TBC1D22A: variants seen among roughly 807,000 people sequenced by gnomAD.
TBC1D22A encodes the protein TBC1 domain family member 22A, also known as putative GTPase activator.
In TBC1D22A, 38 loss-of-function variants were observed where a neutral mutation model predicts 60.2. The ratio of observed to expected loss-of-function variants is 0.63; its 90% CI spans 0.49 to 0.83. The LOEUF is 0.83. Among genes scored for constraint, TBC1D22A ranks in the 40% least tolerant of loss-of-function variants. The pLI is 0.00. For synonymous variants in TBC1D22A, 302 were observed against 281.7 expected (o/e 1.07, Z -0.72); for missense variants, 628 against 701.0 (o/e 0.90, Z 1.18).
At chr22:47,124,768 C>T (rs938320286) in intron 12 of TBC1D22A, among the ~76,000 whole-genome samples, 8 of 151,592 alleles carry the variant, frequency 5.3e-5, no homozygotes, top group African/African-American at 1.5e-4. Context: ...GAGGGGCCCG[C>T]GGGGGAAGCA....
intron 5 of TBC1D22A, among the ~76,000 whole-genome samples, chr22:46,881,592 C>T (rs1194392917): frequency 6.6e-6 from 1 of 152,198 alleles, no homozygotes; most frequent in East Asian, 1.9e-4. Context: ...TGTTCTTGCC[C>T]AGTGTCTGGC....
intron 11 of TBC1D22A, among the ~76,000 whole-genome samples, chr22:47,052,749 C>T (rs367887300): frequency 3.3e-5 from 5 of 152,292 alleles, no homozygotes; most frequent in African/African-American, 1.2e-4. Flanking sequence ...GCCAGGATAG[C>T]AGGAGGACGG....
chr22:46,792,458 G>A, intron 1 of TBC1D22A, 62 bp from the exon 2 acceptor site: 1 of 1,609,420 alleles, frequency 6.2e-7, no homozygotes, highest in Non-Finnish European at 8.5e-7. Context: ...CGGCTGAGCT[G>A]GTGGAGGGCT....
At chr22:46,802,403 C>T (rs928315236) in intron 4 of TBC1D22A, among the ~76,000 whole-genome samples, 12 of 152,216 alleles carry the variant, frequency 7.9e-5, no homozygotes, top group African/African-American at 2.4e-4. Context: ...GAGATCTGCA[C>T]GGAGTCAGGT....
intron 4 of TBC1D22A, among the ~76,000 whole-genome samples, chr22:46,814,048 C>T (rs2085490925): frequency 6.6e-6 from 1 of 152,242 alleles, no homozygotes; most frequent in Non-Finnish European, 1.5e-5. Flanking sequence ...AGTCAGCGCA[C>T]ACCCTGGCCT....
At chr22:47,070,182 CTGT>C (rs2063927506) in intron 11 of TBC1D22A, among the ~76,000 whole-genome samples, 1 of 149,844 alleles carries the variant, frequency 6.7e-6, no homozygotes, top group Non-Finnish European at 1.5e-5. Flanking sequence ...TGGCTGTTCC[CTGT>C]TGTTTGGTTG....
In TBC1D22A at chr22:46,894,842, C is replaced by A. The variant is rs147682361; in HGVS notation, c.896C>A (p.Thr299Lys). The A allele has an allele frequency of 3.7e-6, 6 of 1,614,082 alleles. No homozygotes were observed. The highest frequency in any genetic ancestry group is 4.2e-6 in the Non-Finnish European group (5 of 1,180,040). The change falls in exon 7 of 13, where the codon ACG becomes AAG. Residue 299 changes from threonine to lysine, a missense_variant. Physicochemically the swap from Thr to Lys is moderately conservative, Grantham distance 78. Transcript: ENST00000337137. ...PEALILQPKV[T>K]EIFERILFIW... Reference sequence around the variant, plus strand: ...GCGTTGATCCTGCAGCCCAAGGTGACGGAGGTAAGAAGCTCTTGCCGTGGG... The same window carrying A: ...GCGTTGATCCTGCAGCCCAAGGTGAAGGAGGTAAGAAGCTCTTGCCGTGGG...
intron 12 of TBC1D22A, among the ~76,000 whole-genome samples, chr22:47,164,497 G>A (rs1315787196): frequency 6.6e-6 from 1 of 152,236 alleles, no homozygotes; most frequent in Non-Finnish European, 1.5e-5. Context: ...GACGGCCTGT[G>A]CCTTGGCATG....
At chr22:46,959,748 C>A (rs187174989) in intron 8 of TBC1D22A, among the ~76,000 whole-genome samples, 1 of 152,270 alleles carries the variant, frequency 6.6e-6, no homozygotes, top group South Asian at 2.1e-4. Flanking sequence ...GCCTGGCACC[C>A]GTCAGTTCAC....
chr22:46,784,096 A>G lies in TBC1D22A; in HGVS notation c.63-8424A>G, dbSNP rs1441661811. 2.0e-5 allele frequency among the ~76,000 whole-genome samples: 3 copies of G among 152,088 alleles called. No individual in the cohort carries two copies. In the East Asian group the frequency reaches 5.8e-4, roughly 29 times the overall value. Reference sequence around the variant, plus strand: ...AGTCTTGCTTTGTTGCCCAGGCTGGAGTGCAGTGGTGCGATCACAGCTCAC... The same window carrying G: ...AGTCTTGCTTTGTTGCCCAGGCTGGGGTGCAGTGGTGCGATCACAGCTCAC... On this transcript the variant is annotated intron_variant, in intron 1 of 12. Coordinates refer to ENST00000337137, the MANE Select transcript of TBC1D22A (RefSeq NM_014346.5).
intron 12 of TBC1D22A, among the ~76,000 whole-genome samples, chr22:47,154,185 CCCGGAGCAGGGCGGT>C (rs2067620363): frequency 6.6e-6 from 1 of 152,148 alleles, no homozygotes; most frequent in African/African-American, 2.4e-5. Flanking sequence ...CAGACATGTC[CCCGGAGCAGGGCGGT>C]CCTGTGTGCC....
chr22:46,830,324 G>C (rs937067775), intron 4 of TBC1D22A, among the ~76,000 whole-genome samples: 21 of 152,322 alleles, frequency 1.4e-4, no homozygotes, highest in African/African-American at 5.1e-4. Flanking sequence ...ATCACCCTTC[G>C]AGCCCCTGGA....
intron 11 of TBC1D22A, among the ~76,000 whole-genome samples, chr22:47,062,284 G>T (rs899889141): frequency 6.6e-6 from 1 of 152,016 alleles, no homozygotes; most frequent in African/African-American, 2.4e-5. Flanking sequence ...CGGAAGCTCT[G>T]GGTGTCCCGG....
At chr22:47,125,175 C>T (rs1052462294) in intron 12 of TBC1D22A, among the ~76,000 whole-genome samples, 5 of 152,172 alleles carry the variant, frequency 3.3e-5, no homozygotes, top group African/African-American at 9.7e-5. Context: ...CCCCAGGCTC[C>T]GGCAAGATCT....
chr22:47,064,465 A>C (rs1239244647), intron 11 of TBC1D22A, among the ~76,000 whole-genome samples: 5 of 152,248 alleles, frequency 3.3e-5, no homozygotes. Flanking sequence ...TGATCCATTT[A>C]CCTGATGGTA....
chr22:47,129,032 G>A (rs1177921741), intron 12 of TBC1D22A, among the ~76,000 whole-genome samples: 2 of 152,190 alleles, frequency 1.3e-5, no homozygotes, highest in South Asian at 2.1e-4. Flanking sequence ...TAGGCCTCTC[G>A]TTTTTTGCCG....
At chr22:46,970,851 A>C (rs2074019657) in intron 8 of TBC1D22A, among the ~76,000 whole-genome samples, 1 of 152,110 alleles carries the variant, frequency 6.6e-6, no homozygotes, top group Non-Finnish European at 1.5e-5. Context: ...ACACCCAGGG[A>C]CAGGGCTCCT....
Position 46,801,733 on chromosome 22 carries a change from G to A in TBC1D22A, c.637+4113G>A, listed in dbSNP as rs2084905839. On this transcript the variant is annotated intron_variant, in intron 4 of 12. Coordinates refer to ENST00000337137, the MANE Select transcript of TBC1D22A (RefSeq NM_014346.5). ...GCTCTGGCCCTCAAGGCTTTCGAAC[G>A]GTAGGACAGAAGGCACGACGACCCG... Among the ~76,000 whole-genome samples, 3 of 152,240 alleles carry A rather than the reference G, an allele frequency of 2.0e-5. No homozygotes were observed. In the South Asian group the frequency reaches 6.2e-4, roughly 32 times the overall value.
At chr22:47,091,331 G>A (rs532868047) in intron 11 of TBC1D22A, among the ~76,000 whole-genome samples, 1 of 99,848 alleles carries the variant, frequency 1.0e-5, no homozygotes, top group South Asian at 4.1e-4. Context: ...GATAGAGACA[G>A]GCACTAGAAG....
Sources: gnomAD v4.1 joint callset for allele counts (sites outside exome capture counted in the v4.1 genomes callset) on GRCh38, gnomAD v4.1.1 for gene constraint, MANE v1.5 for transcripts, NCBI Gene and HGNC (gene_info 2026-07-23, HGNC 2026-07-21) for gene names.